TRPM6: variants seen among roughly 807,000 people sequenced by gnomAD.
TRPM6 encodes channel kinase 2.
A neutral mutation model predicts 247.6 loss-of-function variants in TRPM6; 111 were observed. That is an observed-to-expected ratio of 0.45 (90% CI 0.38 to 0.52). The LOEUF is 0.52. TRPM6 is among the 20% of genes least tolerant of loss of function. The probability of loss-of-function intolerance (pLI) is 0.00; values close to 1 mark genes in which losing one functional copy is unlikely to be tolerated. For synonymous variants in TRPM6, 892 were observed against 853.8 expected (o/e 1.04, Z -0.78); for missense variants, 2,126 against 2,421.5 (o/e 0.88, Z 2.56).
intron 6 of TRPM6, among the ~76,000 whole-genome samples, chr9:74,833,580 T>A (rs2118119279): frequency 6.6e-6 from 1 of 152,310 alleles, no homozygotes; most frequent in Non-Finnish European, 1.5e-5. Context: ...TTTTAAAGAA[T>A]CATTCTGGCT....
rs78698976 is a variant in TRPM6 at position 74,724,540 on chromosome 9, G to A, written c.*73C>T. The A allele has an allele frequency of 2.5e-4, 403 of 1,606,978 alleles. No individual in the cohort carries two copies. Among genetic ancestry groups the A allele is most frequent in the Non-Finnish European group, 3.3e-4 (390 of 1,174,520 alleles). ...GAGACGCTGATGTAATCAACATCAC[G>A]TTGATCAATCTATGTTATCACAGAG... is the stretch of plus-strand genomic sequence containing the variant. On this transcript the variant is annotated 3_prime_UTR_variant, in exon 39 of 39. Coordinates refer to ENST00000360774, the MANE Select transcript of TRPM6 (RefSeq NM_017662.5).
At chr9:74,818,364 G>C (rs1829020388) in intron 9 of TRPM6, among the ~76,000 whole-genome samples, 1 of 136,348 alleles carries the variant, frequency 7.3e-6, no homozygotes, top group Non-Finnish European at 1.5e-5. Flanking sequence ...GTGCAATGGT[G>C]CGATTTCGGC....
chr9:74,876,611 C>T (rs1396632608), intron 1 of TRPM6, among the ~76,000 whole-genome samples: 1 of 152,174 alleles, frequency 6.6e-6, no homozygotes, highest in Non-Finnish European at 1.5e-5. Flanking sequence ...TGAGTTCATT[C>T]CCTTAGCAAC....
In TRPM6 at chr9:74,869,413, C is replaced by T. The variant is rs555914164; in HGVS notation, c.34-10665G>A. On this transcript the variant is annotated intron_variant, in intron 1 of 38. Transcript: ENST00000360774. The stretch of plus-strand genomic sequence containing the variant: ...TGAACCCAGGAGGCGGAGGTAACGC[C>T]ACTGCACTCCAGCCTGGGCAACAGA... 2.7e-5 allele frequency among the ~76,000 whole-genome samples: 4 copies of T among 148,688 alleles called. No individual in the cohort carries two copies. The South Asian group carries it at 8.6e-4, about 32-fold the overall frequency.
At position 74,839,954 on chromosome 9, in the gene TRPM6, AGAGGGAGAGAGG is replaced by A. The variant is rs1425235743; in HGVS notation, c.544+58_544+69del. The A allele has an allele frequency of 1.2e-4, 131 of 1,106,984 alleles. 1 individual carries two copies. Among genetic ancestry groups the A allele is most frequent in the African/African-American group, 2.2e-4 (12 of 53,758 alleles). 68.6% of individuals were successfully genotyped at this position (1,106,984 alleles called of 1,614,324 possible). On this transcript the variant is annotated intron_variant, in intron 5 of 38. Coordinates refer to ENST00000360774, the MANE Select transcript of TRPM6 (RefSeq NM_017662.5). Reference sequence around the variant, plus strand: ...AAAGAAAGAGAAAGGAAAAAAGAAAAGAGGGAGAGAGGGAGGGAGAGAGGGAGGGTGAAAGAG... The same window carrying A: ...AAAGAAAGAGAAAGGAAAAAAGAAAAGAGGGAGAGAGGGAGGGTGAAAGAG...
chr9:74,741,950 C>A (rs1415492218), intron 33 of TRPM6, among the ~76,000 whole-genome samples: 8 of 151,922 alleles, frequency 5.3e-5, no homozygotes, highest in African/African-American at 1.7e-4. Context: ...ACCTGGTCTG[C>A]CCCCATGTGA....
At chr9:74,808,656 G>A (rs1025524385) in intron 13 of TRPM6, among the ~76,000 whole-genome samples, 2 of 152,206 alleles carry the variant, frequency 1.3e-5, no homozygotes, top group African/African-American at 4.8e-5. Context: ...GAATGTGTGT[G>A]ATCCAAAATT....
chr9:74,762,273 A>G lies in TRPM6; in HGVS notation c.4398T>C (p.Phe1466=). 1 of 1,614,186 alleles carries G rather than the reference A, an allele frequency of 6.2e-7. No individual in the cohort carries two copies. Among genetic ancestry groups the G allele is most frequent in the South Asian group, 1.1e-5 (1 of 91,078 alleles). ...AGGTTTGCCACTTTTTCTTGATGCT[A>G]AACACACCAGTTTCATCACCTTCTG... is the stretch of plus-strand genomic sequence containing the variant. The part of the protein sequence containing the change: ...AFSEGDETGV[F]SIKKKWQTCL... The change falls in exon 26 of 39, where the codon TTT becomes TTC. Residue 1466 remains phenylalanine, a synonymous_variant. Coordinates refer to ENST00000360774, the MANE Select transcript of TRPM6 (RefSeq NM_017662.5).
chr9:74,758,296 G>A (rs975558133), intron 27 of TRPM6, among the ~76,000 whole-genome samples: 1 of 152,028 alleles, frequency 6.6e-6, no homozygotes, highest in Admixed American at 6.6e-5. Flanking sequence ...GCATCATCCT[G>A]ATACCAAAAC....
chr9:74,830,854 C>T (rs536940062), intron 6 of TRPM6, among the ~76,000 whole-genome samples: 21 of 148,864 alleles, frequency 1.4e-4, no homozygotes, highest in African/African-American at 5.2e-4. Flanking sequence ...GCCTCGGCCT[C>T]GGCCTCCCAA....
At chr9:74,767,683 G>A (rs1010486943) in intron 25 of TRPM6, among the ~76,000 whole-genome samples, 1 of 152,114 alleles carries the variant, frequency 6.6e-6, no homozygotes, top group Non-Finnish European at 1.5e-5. Context: ...AATTAGAGCT[G>A]CAGGCTCAGA....
intron 30 of TRPM6, among the ~76,000 whole-genome samples, chr9:74,748,313 T>C (rs1422708843): frequency 6.6e-6 from 1 of 152,214 alleles, no homozygotes; most frequent in African/African-American, 2.4e-5. Flanking sequence ...TGTTACAGGT[T>C]TATGTATTTA....
chr9:74,871,619 TATACAC>T (rs1831034290), intron 1 of TRPM6, among the ~76,000 whole-genome samples: 1 of 152,168 alleles, frequency 6.6e-6, no homozygotes, highest in African/African-American at 2.4e-5. Flanking sequence ...ATCTTCAGAA[TATACAC>T]CTGCAAGTAA....
intron 31 of TRPM6, 70 bp downstream of exon 31, chr9:74,747,819 G>T: frequency 7.9e-7 from 1 of 1,265,062 alleles, no homozygotes; most frequent in Non-Finnish European, 1.1e-6. Context: ...AAAAATATCA[G>T]CAGGACAGTG....
chr9:74,847,246 G>C (rs1830141055), intron 3 of TRPM6, among the ~76,000 whole-genome samples: 1 of 151,986 alleles, frequency 6.6e-6, no homozygotes, highest in Non-Finnish European at 1.5e-5. Flanking sequence ...TGTCACCCAG[G>C]CTGGAGTGCA....
intron 25 of TRPM6, among the ~76,000 whole-genome samples, chr9:74,764,588 G>A (rs1826763402): frequency 6.6e-6 from 1 of 152,186 alleles, no homozygotes; most frequent in African/African-American, 2.4e-5. Flanking sequence ...CCAGAAGTCT[G>A]AGACAATAAA....
chr9:74,817,029 T>G, intron 9 of TRPM6, 65 bp from the exon 10 acceptor site: 2 of 1,352,344 alleles, frequency 1.5e-6, no homozygotes, highest in Non-Finnish European at 2.1e-6. Context: ...TTTCAAAGAG[T>G]ACCCACAGAA....
At chr9:74,790,035 T>TGG (rs914656919) in intron 19 of TRPM6, among the ~76,000 whole-genome samples, 1 of 144,530 alleles carries the variant, frequency 6.9e-6, no homozygotes, top group African/African-American at 2.6e-5. Flanking sequence ...TGTGTGTGTG[T>TGG]GGGTTCATTC....
rs1259248011 is a variant in TRPM6, at chr9:74,771,765, G to C, written c.3474C>G (p.Phe1158Leu). The change falls in exon 25 of 39, where the codon TTC becomes TTG. Residue 1158 changes from phenylalanine to leucine, a missense_variant. Phe to Leu is a conservative substitution (Grantham distance 22, BLOSUM62 0). This residue lies in a region of TRPM6 where 717 missense variants were observed against 715.9 expected (regional missense o/e 1.00). Transcript: ENST00000360774. ...AATTCACATCTTCCATCTTCTCATG[G>C]AAGTATTTTTCCACGCACTGCTCCT... is the stretch of plus-strand genomic sequence containing the variant. ...DFEEQCVEKY[F>L]HEKMEDVNCS... The C allele has an allele frequency of 6.2e-7, 1 of 1,613,674 alleles. No homozygotes were observed.
Sources: allele counts gnomAD v4.1 joint callset (sites outside exome capture counted in the v4.1 genomes callset), GRCh38; gene constraint gnomAD v4.1.1; regional missense constraint gnomAD v4.1.1; transcripts MANE v1.5; gene names NCBI Gene and HGNC (gene_info 2026-07-23, HGNC 2026-07-21).